ANK3: variants seen among roughly 807,000 people sequenced by gnomAD.
ANK3 encodes the protein ankyrin 3.
A neutral mutation model predicts 370.9 loss-of-function variants in ANK3; 57 were observed. That is an observed-to-expected ratio of 0.15 (90% CI 0.12 to 0.19). The LOEUF (loss-of-function observed/expected upper bound fraction) is 0.19. ANK3 is among the 10% of genes least tolerant of loss of function. ANK3 has a pLI of 1.00. For synonymous variants in ANK3, 1,929 were observed against 1,946.3 expected (o/e 0.99, Z 0.23); for missense variants, 4,439 against 5,302.1 (o/e 0.84, Z 5.06).
intron 1 of ANK3, among the ~76,000 whole-genome samples, chr10:60,327,703 A>C (rs775053784): frequency 6.6e-6 from 1 of 152,142 alleles, no homozygotes; most frequent in Non-Finnish European, 1.5e-5. Flanking sequence ...TCTTTTTAGC[A>C]TCATAGGATA....
chr10:60,320,213 C>T (rs2048330167), intron 1 of ANK3, among the ~76,000 whole-genome samples: 1 of 152,166 alleles, frequency 6.6e-6, no homozygotes. Flanking sequence ...TGTGCTTTGC[C>T]CATGATGGGT....
At chr10:60,215,727 C>G (rs966232319) in intron 8 of ANK3, among the ~76,000 whole-genome samples, 1 of 152,134 alleles carries the variant, frequency 6.6e-6, no homozygotes, top group Non-Finnish European at 1.5e-5. Flanking sequence ...GGTACCAGTA[C>G]CAGGCTGTTT....
chr10:60,509,543 C>T (rs992515140), intron 2 of ANK3, among the ~76,000 whole-genome samples: 1 of 152,108 alleles, frequency 6.6e-6, no homozygotes, highest in African/African-American at 2.4e-5. Flanking sequence ...ATTGTCAACT[C>T]AGATTTCATA....
At chr10:60,201,433 A>G (rs1004766059) in intron 12 of ANK3, among the ~76,000 whole-genome samples, 1 of 152,128 alleles carries the variant, frequency 6.6e-6, no homozygotes, top group African/African-American at 2.4e-5. Context: ...CATGAGTCCA[A>G]TGAGTGTTAT....
intron 8 of ANK3, among the ~76,000 whole-genome samples, chr10:60,220,709 G>T (rs988598503): frequency 6.6e-6 from 1 of 152,068 alleles, no homozygotes; most frequent in Non-Finnish European, 1.5e-5. Context: ...TGCATGTGTT[G>T]ACTGATGTCT....
rs141490649 is a variant in ANK3, at chr10:60,045,078, C to T, written c.13066-2319G>A. 2.5e-3 allele frequency among the ~76,000 whole-genome samples: 385 copies of T among 152,004 alleles called. 3 individuals are homozygous for T. The highest frequency in any genetic ancestry group is 8.9e-3 in the African/African-American group (367 of 41,464). ...AATCTATAAGAACACAAAGTTGTTT[C>T]GTAATAAAAAAAAATGAGAACAAAA... On this transcript the variant is annotated intron_variant, in intron 42 of 43. Transcript: ENST00000280772.
intron 27 of ANK3, among the ~76,000 whole-genome samples, chr10:60,107,234 C>T (rs1413947760): frequency 6.6e-6 from 1 of 151,968 alleles, no homozygotes; most frequent in Admixed American, 6.6e-5. Flanking sequence ...ATCAAGTGTT[C>T]TTAGCAGTAT....
At chr10:60,083,456 C>T (rs201261062) in intron 33 of ANK3, 36 bp downstream of exon 33, 3 of 1,585,088 alleles carry the variant, frequency 1.9e-6, no homozygotes, top group African/African-American at 2.7e-5. Flanking sequence ...TATTTTTTCC[C>T]CATAATTCAC....
chr10:60,189,686 A>T (rs531716393), intron 16 of ANK3, among the ~76,000 whole-genome samples: 2 of 152,314 alleles, frequency 1.3e-5, no homozygotes, highest in African/African-American at 4.8e-5. Context: ...AGGCAGATGC[A>T]TCTATCAAAA....
intron 2 of ANK3, among the ~76,000 whole-genome samples, chr10:60,438,195 G>T (rs978679560): frequency 1.3e-5 from 2 of 151,850 alleles, no homozygotes; most frequent in Non-Finnish European, 2.9e-5. Flanking sequence ...ACACCAGGTT[G>T]CTCTTGCCCA....
At chr10:60,045,649 G>T (rs2076826146) in intron 42 of ANK3, among the ~76,000 whole-genome samples, 1 of 152,214 alleles carries the variant, frequency 6.6e-6, no homozygotes, top group African/African-American at 2.4e-5. Context: ...GCAGTGTACA[G>T]ATGTGGTTTT....
Position 60,074,708 on chromosome 10 carries a change from T to G in ANK3, c.6173A>C (p.Lys2058Thr), listed in dbSNP as rs755965150. 1 of 1,613,576 alleles carries G rather than the reference T, an allele frequency of 6.2e-7. No homozygotes were observed. Among genetic ancestry groups the G allele is most frequent in the South Asian group, 1.1e-5 (1 of 90,818 alleles). ...NLKYKFEDAK[K>T]DGEERQKRVL... ...TCTTTTCTGTCTCTCCTCACCATCCTTCTTTGCATCCTCAAACTTGTATTT... is the reference window on the plus strand; with the variant it reads ...TCTTTTCTGTCTCTCCTCACCATCCGTCTTTGCATCCTCAAACTTGTATTT... Residue 2058 changes from lysine (K) to threonine (T), a missense_variant, in exon 37 of 44, where the codon AAG becomes ACG. Physicochemically the swap from Lys to Thr is moderately conservative, Grantham distance 78. Transcript: ENST00000280772.
chr10:60,450,535 G>C (rs2064571772), intron 2 of ANK3, among the ~76,000 whole-genome samples: 1 of 152,164 alleles, frequency 6.6e-6, no homozygotes, highest in African/African-American at 2.4e-5. Context: ...GCCCAGCCTG[G>C]AGAGATAAGT....
chr10:60,285,261 G>C (rs1381668898), intron 1 of ANK3, among the ~76,000 whole-genome samples: 1 of 152,158 alleles, frequency 6.6e-6, no homozygotes, highest in Admixed American at 6.5e-5. Context: ...TGAGTGCACA[G>C]CTAGGCACTC....
At chr10:60,618,923 A>G (rs1294771470) in intron 1 of ANK3, among the ~76,000 whole-genome samples, 2 of 152,164 alleles carry the variant, frequency 1.3e-5, no homozygotes, top group Non-Finnish European at 2.9e-5. Flanking sequence ...ACTGTTGAAA[A>G]ATTGACAGGA....
chr10:60,092,539 C>T (rs950946462), intron 28 of ANK3, among the ~76,000 whole-genome samples: 2 of 152,104 alleles, frequency 1.3e-5, no homozygotes, highest in African/African-American at 4.8e-5. Context: ...ACCAACAGAA[C>T]TTTTATTATC....
At chr10:60,578,393 A>G (rs574648416) in intron 2 of ANK3, among the ~76,000 whole-genome samples, 3 of 152,308 alleles carry the variant, frequency 2.0e-5, no homozygotes, top group Non-Finnish European at 4.4e-5. Context: ...TATTTACATG[A>G]CAGATATACA....
chr10:60,684,373 G>A (rs2079239680), intron 1 of ANK3: 1 of 508,298 alleles, frequency 2.0e-6, no homozygotes, highest in East Asian at 4.8e-5. Context: ...CTCCCCAGCG[G>A]CTGAGAGAGA....
In ANK3 at chr10:60,268,291, T is replaced by TA. The variant is rs1424069651; in HGVS notation, c.513+1839dup. On this transcript the variant is annotated intron_variant, in intron 5 of 43. Transcript: ENST00000280772. ...CCCCAAAGCACTGATGGGTATAAAA[T>TA]AAAAAAATATGTATAAAAATTCCCA... 2.6e-5 allele frequency among the ~76,000 whole-genome samples: 4 copies of TA among 152,224 alleles called. No homozygotes were observed. In the East Asian group the frequency reaches 7.7e-4, roughly 29 times the overall value.
Sources: allele counts gnomAD v4.1 joint callset (sites outside exome capture counted in the v4.1 genomes callset), GRCh38; gene constraint gnomAD v4.1.1; transcripts MANE v1.5; gene names NCBI Gene and HGNC (gene_info 2026-07-23, HGNC 2026-07-21).